Variants in SPRR2G observed in about 807,000 individuals in gnomAD.
The protein encoded by SPRR2G is small proline-rich protein 2G.
In SPRR2G, 1 loss-of-function variant was observed where a neutral mutation model predicts 0.7. The ratio of observed to expected loss-of-function variants is 1.49; its 90% CI spans 0.53 to 7.06. The LOEUF is 7.06. Ranked by LOEUF, SPRR2G falls within the 30% of genes most tolerant of loss-of-function variation. The probability of loss-of-function intolerance (pLI) is 0.14; values close to 1 mark genes in which losing one functional copy is unlikely to be tolerated. For synonymous variants in SPRR2G, 38 were observed against 33.9 expected (o/e 1.12, Z -0.42); for missense variants, 96 against 88.5 (o/e 1.09, Z -0.34).
chr1:153,185,904 G>A, the SPRR2G span, among the ~76,000 whole-genome samples: 2 of 152,096 alleles, frequency 1.3e-5, no homozygotes, highest in Non-Finnish European at 2.9e-5. Flanking sequence ...AGAGATTCTG[G>A]TACATTGTGC....
At chr1:153,197,308 G>C in the SPRR2G span, among the ~76,000 whole-genome samples, 1 of 151,900 alleles carries the variant, frequency 6.6e-6, no homozygotes, top group Admixed American at 6.6e-5. Context: ...CTGTATCCTG[G>C]ACAAATCCAA....
the SPRR2G span, among the ~76,000 whole-genome samples, chr1:153,189,600 A>T: frequency 6.6e-6 from 1 of 152,178 alleles, no homozygotes; most frequent in Non-Finnish European, 1.5e-5. Context: ...AAACTTGTTT[A>T]TGTGGCTACT....
At chr1:153,161,193 A>C in the SPRR2G span, among the ~76,000 whole-genome samples, 27 of 151,092 alleles carry the variant, frequency 1.8e-4, no homozygotes, top group Non-Finnish European at 3.5e-4. Flanking sequence ...ATGTAACAAA[A>C]CTGCACGTTG....
intron 1 of SPRR2G, among the ~76,000 whole-genome samples, chr1:153,150,494 G>A (rs1291322168): frequency 1.3e-5 from 2 of 152,138 alleles, no homozygotes; most frequent in African/African-American, 4.8e-5. Context: ...GTTTTAATGA[G>A]CTGGCTGTGG....
chr1:153,171,135 A>C, the SPRR2G span, among the ~76,000 whole-genome samples: 1 of 152,160 alleles, frequency 6.6e-6, no homozygotes, highest in Admixed American at 6.5e-5. Context: ...TGCCAGTATG[A>C]CTGAAATGTT....
At chr1:153,180,314 T>G in the SPRR2G span, among the ~76,000 whole-genome samples, 1 of 152,172 alleles carries the variant, frequency 6.6e-6, no homozygotes, top group African/African-American at 2.4e-5. Context: ...CATCTAACAC[T>G]GTACATTTGT....
chr1:153,183,978 T>G, the SPRR2G span, among the ~76,000 whole-genome samples: 1 of 152,158 alleles, frequency 6.6e-6, no homozygotes, highest in African/African-American at 2.4e-5. Flanking sequence ...AATAGGGAAT[T>G]CCTTCCCCAT....
At chr1:153,186,141 G>C in the SPRR2G span, among the ~76,000 whole-genome samples, 1 of 152,230 alleles carries the variant, frequency 6.6e-6, no homozygotes, top group East Asian at 1.9e-4. Context: ...CAATTATGTG[G>C]TCAATTTTAG....
the SPRR2G span, chr1:153,190,921 T>A: frequency 1.3e-5 from 2 of 152,106 alleles, no homozygotes; most frequent in African/African-American, 4.8e-5. Context: ...CCCTGACTGG[T>A]CATGTCTCTG....
upstream of SPRR2G, among the ~76,000 whole-genome samples, chr1:153,151,236 A>G (rs1427649564): frequency 3.3e-5 from 5 of 152,242 alleles, no homozygotes; most frequent in African/African-American, 9.6e-5. Flanking sequence ...GCACATGCCC[A>G]GTATCTAGCT....
At chr1:153,200,281 G>T in the SPRR2G span, among the ~76,000 whole-genome samples, 1 of 152,200 alleles carries the variant, frequency 6.6e-6, no homozygotes. Flanking sequence ...ATGCTATGGA[G>T]AAGGGGTCTG....
At chr1:153,172,629 GA>G in the SPRR2G span, among the ~76,000 whole-genome samples, 1 of 152,176 alleles carries the variant, frequency 6.6e-6, no homozygotes. Context: ...TACAAAAAAA[GA>G]GTTAGACACA....
the SPRR2G span, among the ~76,000 whole-genome samples, chr1:153,169,174 G>T: frequency 2.0e-5 from 3 of 152,060 alleles, no homozygotes; most frequent in East Asian, 3.9e-4. Flanking sequence ...CAGCCCTTTT[G>T]AAAGACTTGC....
chr1:153,172,886 G>A, the SPRR2G span, among the ~76,000 whole-genome samples: 1 of 152,188 alleles, frequency 6.6e-6, no homozygotes, highest in African/African-American at 2.4e-5. Context: ...TGGTTGGACT[G>A]ACAGTGACCA....
chr1:153,173,888 C>T, the SPRR2G span, among the ~76,000 whole-genome samples: 6 of 152,090 alleles, frequency 3.9e-5, no homozygotes, highest in Admixed American at 1.3e-4. Flanking sequence ...ATGGACTCCT[C>T]GGGAAATTTT....
chr1:153,153,653 G>A (rs1571027218), upstream of SPRR2G, among the ~76,000 whole-genome samples: 1 of 152,166 alleles, frequency 6.6e-6, no homozygotes, highest in Admixed American at 6.5e-5. Flanking sequence ...GAAGACAGGC[G>A]AGTGGAAAGA....
chr1:153,168,445 T>A, the SPRR2G span, among the ~76,000 whole-genome samples: 1 of 152,208 alleles, frequency 6.6e-6, no homozygotes, highest in South Asian at 2.1e-4. Flanking sequence ...TCCCTCACAG[T>A]CTCATTAATT....
the SPRR2G span, among the ~76,000 whole-genome samples, chr1:153,188,527 C>G: frequency 2.0e-5 from 3 of 152,298 alleles, no homozygotes; most frequent in African/African-American, 7.2e-5. Context: ...CTAGACACAC[C>G]TCCCCACACC....
At chr1:153,188,903 C>T in the SPRR2G span, among the ~76,000 whole-genome samples, 26 of 152,284 alleles carry the variant, frequency 1.7e-4, no homozygotes, top group Non-Finnish European at 3.2e-4. Context: ...TGGCTAGGGA[C>T]GGTAGTTCCC....
Sources: gnomAD v4.1 joint callset for allele counts (sites outside exome capture counted in the v4.1 genomes callset) on GRCh38, gnomAD v4.1.1 for gene constraint, MANE v1.5 for transcripts, NCBI Gene and HGNC (gene_info 2026-07-23, HGNC 2026-07-21) for gene names.